CACNB2: variants seen among roughly 807,000 people sequenced by gnomAD.
CACNB2 encodes the protein calcium voltage-gated channel auxiliary subunit beta 2, also known as voltage-dependent L-type calcium channel subunit beta-2.
Under a neutral mutation model 73.3 loss-of-function variants are expected in CACNB2, and 42 were observed. The observed-to-expected ratio is 0.57, with a 90% CI of 0.45 to 0.74. The LOEUF (loss-of-function observed/expected upper bound fraction) is 0.74. Ranked by LOEUF, CACNB2 falls within the 30% of genes least tolerant of loss-of-function variation. The pLI is 0.00. For missense variants in CACNB2, 940 were observed against 853.0 expected (o/e 1.10, Z -1.27); for synonymous variants, 348 against 310.3 (o/e 1.12, Z -1.28).
intron 2 of CACNB2, among the ~76,000 whole-genome samples, chr10:18,198,292 C>T (rs948580334): frequency 1.3e-5 from 2 of 151,178 alleles, no homozygotes; most frequent in Admixed American, 6.6e-5. Flanking sequence ...ATATTTAAAG[C>T]TCATATGTTC....
intron 2 of CACNB2, among the ~76,000 whole-genome samples, chr10:18,195,661 G>A (rs1308026344): frequency 1.3e-5 from 2 of 152,204 alleles, no homozygotes; most frequent in African/African-American, 2.4e-5. Context: ...TCAGACTGTC[G>A]GTGCCTGACC....
chr10:18,467,416 T>C (rs1410783479), intron 3 of CACNB2, among the ~76,000 whole-genome samples: 2 of 152,222 alleles, frequency 1.3e-5, no homozygotes, highest in Admixed American at 6.5e-5. Flanking sequence ...TATTGGTGTC[T>C]GGTGTATGCC....
Position 18,541,634 on chromosome 10 carries a change from G to A in CACNB2, c.*1910G>A, listed in dbSNP as rs1345024092. 1 of 152,190 alleles carries A rather than the reference G, an allele frequency of 6.6e-6. No homozygotes were observed. The highest frequency in any genetic ancestry group is 1.5e-5 in the Non-Finnish European group (1 of 68,078). 9.4% of individuals were successfully genotyped at this position (152,190 alleles called of 1,614,324 possible). On this transcript the variant is annotated 3_prime_UTR_variant, in exon 14 of 14. Coordinates refer to ENST00000324631, the MANE Select transcript of CACNB2 (RefSeq NM_201596.3). ...CCAGCAATTTGGGAGGCTGAGGAGGGTGGATCACCTGAGGTCAGGAGTTCA... is the reference window on the plus strand; with the variant it reads ...CCAGCAATTTGGGAGGCTGAGGAGGATGGATCACCTGAGGTCAGGAGTTCA...
intron 2 of CACNB2, among the ~76,000 whole-genome samples, chr10:18,399,088 C>G (rs1457938940): frequency 6.6e-6 from 1 of 152,156 alleles, no homozygotes; most frequent in Non-Finnish European, 1.5e-5. Flanking sequence ...TGGGTTCTTA[C>G]TGATAGAAGC....
At chr10:18,209,792 A>G (rs1398343096) in intron 2 of CACNB2, among the ~76,000 whole-genome samples, 2 of 152,146 alleles carry the variant, frequency 1.3e-5, no homozygotes, top group Non-Finnish European at 1.5e-5. Context: ...AGTCATTTAC[A>G]TGTTGAATAT....
chr10:18,276,461 A>G (rs1212344044), intron 2 of CACNB2, among the ~76,000 whole-genome samples: 2 of 152,344 alleles, frequency 1.3e-5, no homozygotes, highest in Admixed American at 6.5e-5. Flanking sequence ...AATTCACAGT[A>G]TCACTTAGCA....
At chr10:18,200,889 G>A (rs2034848379) in intron 2 of CACNB2, among the ~76,000 whole-genome samples, 1 of 152,144 alleles carries the variant, frequency 6.6e-6, no homozygotes, top group Non-Finnish European at 1.5e-5. Flanking sequence ...CATCTGGAAT[G>A]CCTTAGCTTC....
At chr10:18,309,363 T>C (rs2039871750) in intron 2 of CACNB2, among the ~76,000 whole-genome samples, 2 of 152,148 alleles carry the variant, frequency 1.3e-5, no homozygotes, top group South Asian at 4.1e-4. Flanking sequence ...GAAGTAGAGG[T>C]ACACATCACA....
intron 3 of CACNB2, among the ~76,000 whole-genome samples, chr10:18,483,915 G>A (rs897057841): frequency 6.6e-6 from 1 of 152,170 alleles, no homozygotes; most frequent in Non-Finnish European, 1.5e-5. Flanking sequence ...CCTCGCCACA[G>A]AATACAATTA....
intron 10 of CACNB2, among the ~76,000 whole-genome samples, 191 bp from the exon 11 acceptor site, chr10:18,533,885 A>C (rs1484815855): frequency 6.6e-6 from 1 of 152,224 alleles, no homozygotes; most frequent in African/African-American, 2.4e-5. Flanking sequence ...AATTCCTTAA[A>C]TCCTAATGAT....
chr10:18,400,659 TGCGATTC>T lies in CACNB2; in HGVS notation c.214-1264_214-1258del. 1.1e-5 allele frequency: 10 copies of T among 945,862 alleles called. No homozygotes were observed. In the South Asian group the frequency reaches 1.4e-4, roughly 13 times the overall value. The allele number at this position is 945,862 out of a possible 1,614,324, so 58.6% of individuals were successfully genotyped here. A position where few individuals can be genotyped will look rare whatever the true frequency, so the allele number is the denominator to read the frequency against. The stretch of plus-strand genomic sequence containing the variant: ...GCACTAGTTTTTTTTTTTTTTTTTC[TGCGATTC>T]TTTTACAACTAATTTCTTTTAACAA... On this transcript the variant is annotated intron_variant, in intron 2 of 13. Coordinates refer to ENST00000324631, the MANE Select transcript of CACNB2 (RefSeq NM_201596.3).
intron 2 of CACNB2, among the ~76,000 whole-genome samples, chr10:18,268,168 G>A (rs556393342): frequency 1.4e-4 from 22 of 152,172 alleles, no homozygotes; most frequent in Admixed American, 1.0e-3. Context: ...CTTGTAAAGC[G>A]TATTGAATTA....
At chr10:18,474,005 G>A (rs1276185470) in intron 3 of CACNB2, among the ~76,000 whole-genome samples, 2 of 152,074 alleles carry the variant, frequency 1.3e-5, no homozygotes, top group African/African-American at 4.8e-5. Context: ...AAAATGCGAG[G>A]GTTGGATTTG....
At chr10:18,444,700 A>G (rs1487055220) in intron 3 of CACNB2, among the ~76,000 whole-genome samples, 3 of 152,210 alleles carry the variant, frequency 2.0e-5, no homozygotes. Context: ...AGATTTCCGT[A>G]ATTTGTAAGT....
chr10:18,297,965 C>T (rs1384568089), intron 2 of CACNB2, among the ~76,000 whole-genome samples: 1 of 152,174 alleles, frequency 6.6e-6, no homozygotes, highest in Non-Finnish European at 1.5e-5. Flanking sequence ...GAAGGAGAAT[C>T]AAATAATGCC....
intron 3 of CACNB2, among the ~76,000 whole-genome samples, chr10:18,432,686 A>T (rs1381518056): frequency 6.6e-6 from 1 of 151,896 alleles, no homozygotes; most frequent in Non-Finnish European, 1.5e-5. Context: ...AAATACAAAA[A>T]CTAGCCCAGC....
intron 2 of CACNB2, among the ~76,000 whole-genome samples, chr10:18,338,582 T>A (rs909052902): frequency 2.0e-5 from 3 of 152,152 alleles, no homozygotes; most frequent in Non-Finnish European, 4.4e-5. Flanking sequence ...TCCAAAATTT[T>A]ATCCACTTTT....
At chr10:18,496,984 G>A (rs548644194) in intron 3 of CACNB2, among the ~76,000 whole-genome samples, 6 of 151,682 alleles carry the variant, frequency 4.0e-5, no homozygotes, top group Non-Finnish European at 7.4e-5. Context: ...GCTGAGGCGG[G>A]CAGATCACCC....
At chr10:18,309,149 A>G (rs1035145039) in intron 2 of CACNB2, among the ~76,000 whole-genome samples, 1 of 152,192 alleles carries the variant, frequency 6.6e-6, no homozygotes, top group Non-Finnish European at 1.5e-5. Flanking sequence ...TAAAATATTG[A>G]ATGGTTATTT....
Sources: allele counts gnomAD v4.1 joint callset (sites outside exome capture counted in the v4.1 genomes callset), GRCh38; gene constraint gnomAD v4.1.1; transcripts MANE v1.5; gene names NCBI Gene and HGNC (gene_info 2026-07-23, HGNC 2026-07-21).